Variants in CHD2 observed in about 807,000 individuals in gnomAD.
The protein encoded by CHD2 is chromodomain helicase DNA binding protein 2.
In CHD2, 28 loss-of-function variants were observed where a neutral mutation model predicts 243.9. The ratio of observed to expected loss-of-function variants is 0.11; its 90% CI spans 0.09 to 0.16. The LOEUF (loss-of-function observed/expected upper bound fraction) is 0.16. Ranked by LOEUF, CHD2 falls within the 10% of genes least tolerant of loss-of-function variation. CHD2 has a pLI of 1.00. For synonymous variants in CHD2, 775 were observed against 779.0 expected (o/e 0.99, Z 0.09); for missense variants, 1,386 against 2,209.8 (o/e 0.63, Z 7.47).
intron 2 of CHD2, among the ~76,000 whole-genome samples, chr15:92,916,430 A>G (rs957832984): frequency 6.6e-6 from 1 of 152,196 alleles, no homozygotes; most frequent in Non-Finnish European, 1.5e-5. Flanking sequence ...CATTTTCATA[A>G]ATGGGTATAT....
At chr15:93,019,229 G>A (rs1218823665) in intron 37 of CHD2, among the ~76,000 whole-genome samples, 3 of 152,264 alleles carry the variant, frequency 2.0e-5, no homozygotes, top group Admixed American at 1.3e-4. Flanking sequence ...CAGAGACCAG[G>A]CACAGCAGGT....
At chr15:92,957,213 A>G (rs1183711499) in intron 16 of CHD2, among the ~76,000 whole-genome samples, 1 of 152,246 alleles carries the variant, frequency 6.6e-6, no homozygotes, top group Non-Finnish European at 1.5e-5. Flanking sequence ...CCCCTTGACA[A>G]TAGTCTGATT....
At chr15:93,021,922 T>C (rs1890891119) in intron 38 of CHD2, 2 of 152,228 alleles carry the variant, frequency 1.3e-5, no homozygotes, top group Non-Finnish European at 2.9e-5. Context: ...GCTGGATATT[T>C]CTGTATTCCT....
chr15:92,948,761 C>T (rs530350538), intron 12 of CHD2, among the ~76,000 whole-genome samples, 191 bp from the exon 13 acceptor site: 3 of 152,228 alleles, frequency 2.0e-5, no homozygotes, highest in African/African-American at 7.2e-5. Flanking sequence ...ATGGCGTGAA[C>T]CCGGGAGGCA....
rs1786670184 is a variant in CHD2, at chr15:92,900,809, A to G, written c.-87A>G. 2.5e-6 allele frequency: 1 copy of G among 397,176 alleles called. No homozygotes were observed. The highest frequency in any genetic ancestry group is 4.4e-5 in the Admixed American group (1 of 22,576). 24.6% of individuals were successfully genotyped at this position (397,176 alleles called of 1,614,324 possible). On this transcript the variant is annotated 5_prime_UTR_variant, in exon 1 of 39. Transcript: ENST00000394196. ...AGTAGATAGGACTCTTGGTTTGGAC[A>G]TACTACATGGATCAGGTAAGTTCAC...
At chr15:92,984,786 A>G (rs2054020408) in intron 25 of CHD2, among the ~76,000 whole-genome samples, 1 of 152,226 alleles carries the variant, frequency 6.6e-6, no homozygotes, top group African/African-American at 2.4e-5. Flanking sequence ...AGTAGTCCTC[A>G]CAGTTTGGCT....
intron 24 of CHD2, 150 bp downstream of exon 24, chr15:92,981,607 T>G (rs1047229476): frequency 4.9e-6 from 3 of 617,798 alleles, no homozygotes; most frequent in Non-Finnish European, 8.4e-6. Flanking sequence ...ATTGTGAGTA[T>G]GTTGTGAATG....
At chr15:92,953,301 C>T in intron 13 of CHD2, 56 bp from the exon 14 acceptor site, 1 of 1,439,252 alleles carries the variant, frequency 6.9e-7, no homozygotes, top group Middle Eastern at 1.8e-4. Context: ...TATGCACATT[C>T]TGTGTTTTGG....
At chr15:92,934,443 G>A (rs968843543) in intron 5 of CHD2, among the ~76,000 whole-genome samples, 4 of 152,144 alleles carry the variant, frequency 2.6e-5, no homozygotes, top group Non-Finnish European at 4.4e-5. Context: ...TCTGTTAATG[G>A]CCTCTAAAGC....
chr15:92,906,232 T>G (rs2052619108), intron 2 of CHD2, among the ~76,000 whole-genome samples: 1 of 152,012 alleles, frequency 6.6e-6, no homozygotes, highest in African/African-American at 2.4e-5. Context: ...AAGAAAAGAG[T>G]GTTGATCGAT....
intron 35 of CHD2, among the ~76,000 whole-genome samples, chr15:93,010,263 A>G (rs1019685348): frequency 6.6e-6 from 1 of 152,136 alleles, no homozygotes; most frequent in Admixed American, 6.5e-5. Flanking sequence ...TGTTTTTGCA[A>G]TTGCAGATTA....
chr15:92,974,774 T>A (rs1596423074), intron 19 of CHD2, 105 bp from the exon 20 acceptor site: 1 of 999,958 alleles, frequency 1.0e-6, no homozygotes, highest in East Asian at 2.5e-5. Flanking sequence ...TGCAGTTATT[T>A]TTACTCAGTG....
intron 18 of CHD2, 35 bp downstream of exon 18, chr15:92,971,962 A>T: frequency 1.9e-6 from 3 of 1,586,044 alleles, no homozygotes; most frequent in Non-Finnish European, 1.7e-6. Flanking sequence ...TCTCAAAAAA[A>T]ACGCTTAGTT....
intron 34 of CHD2, among the ~76,000 whole-genome samples, chr15:93,006,573 AT>A (rs1226129146): frequency 6.6e-6 from 1 of 152,218 alleles, no homozygotes; most frequent in Non-Finnish European, 1.5e-5. Flanking sequence ...TGCTTTATAT[AT>A]ATTTTTTCCA....
In CHD2 at chr15:93,024,908, T is replaced by G; in HGVS notation, c.*203T>G. Reference sequence around the variant, plus strand: ...GATTCGGGTCACCACTCCTGCACTTTGGCACCCCATCCCATTCCAGCCTAG... The same window carrying G: ...GATTCGGGTCACCACTCCTGCACTTGGGCACCCCATCCCATTCCAGCCTAG... On this transcript the variant is annotated 3_prime_UTR_variant, in exon 39 of 39. Coordinates refer to ENST00000394196, the MANE Select transcript of CHD2 (RefSeq NM_001271.4). The G allele has an allele frequency of 3.7e-6, 2 of 535,062 alleles. No homozygotes were observed. The highest frequency in any genetic ancestry group is 5.4e-5 in the South Asian group (2 of 36,918). The allele number at this position is 535,062 out of a possible 1,614,324, so 33.1% of individuals were successfully genotyped here.
Position 92,901,297 on chromosome 15 carries a change from G to C in CHD2, c.60G>C (p.Ser20=). 2 of 1,597,824 alleles carry C rather than the reference G, an allele frequency of 1.3e-6. No individual in the cohort carries two copies. Among genetic ancestry groups the C allele is most frequent in the Middle Eastern group, 3.3e-4 (2 of 6,046 alleles). ...ACAGTTCGCTACACAGCAATGCATC[G>C]AGGTATGAGCTATCAACTTTCTTCC... is the stretch of plus-strand genomic sequence containing the variant. ...EEDSSLHSNA[S]SHSASEEASG... The change falls in exon 2 of 39, where the codon TCG becomes TCC. Residue 20 remains serine (S), a splice_region_variant and synonymous_variant. Coordinates refer to ENST00000394196, the MANE Select transcript of CHD2 (RefSeq NM_001271.4).
chr15:92,945,928 ATTATT>A lies in CHD2; in HGVS notation c.1198+66_1198+70del. 2.7e-6 allele frequency: 4 copies of A among 1,475,424 alleles called. No individual in the cohort carries two copies. In the East Asian group the frequency reaches 6.9e-5, roughly 25 times the overall value. 91.4% of individuals were successfully genotyped at this position (1,475,424 alleles called of 1,614,324 possible). A position where few individuals can be genotyped will look rare whatever the true frequency, so the allele number is the denominator to read the frequency against. ...TTTCAGAACAGTGTATGTTTTGCAGATTATTTTGTTTTGCCACATGATGTTTTATT... is the reference window on the plus strand; with the variant it reads ...TTTCAGAACAGTGTATGTTTTGCAGATTGTTTTGCCACATGATGTTTTATT... On this transcript the variant is annotated intron_variant, in intron 11 of 38. Transcript: ENST00000394196.
Position 92,937,588 on chromosome 15 carries a change from CA to C in CHD2, c.522del (p.Val175Ter), listed in dbSNP as rs748694853. On this transcript the variant is annotated frameshift_variant, in exon 6 of 39. Coordinates refer to ENST00000394196, the MANE Select transcript of CHD2 (RefSeq NM_001271.4). LOFTEE classifies it high-confidence loss of function. The stretch of plus-strand genomic sequence containing the variant: ...CACCAGTGCAGAGAGTGAGCCAGAA[CA>C]AAAAAAAGTAAAAGCCAGAAGACCT... ...QGTSAESEPE[Q>X]KKVKARRPVP... 7.5e-6 allele frequency: 12 copies of C among 1,610,606 alleles called. No individual in the cohort carries two copies. The Admixed American group carries it at 1.0e-4, about 14-fold the overall frequency.
At chr15:93,019,849 G>T (rs570140855) in intron 37 of CHD2, among the ~76,000 whole-genome samples, 163 bp from the exon 38 acceptor site, 2 of 151,768 alleles carry the variant, frequency 1.3e-5, no homozygotes, top group African/African-American at 4.8e-5. Flanking sequence ...CACGAGAATC[G>T]CTTGACCCAA....
Sources: gnomAD v4.1 joint callset for allele counts (sites outside exome capture counted in the v4.1 genomes callset) on GRCh38, gnomAD v4.1.1 for gene constraint, MANE v1.5 for transcripts, NCBI Gene and HGNC (gene_info 2026-07-23, HGNC 2026-07-21) for gene names.